The following ERICH1 variants were observed in gnomAD, a reference collection of about 807,000 sequenced individuals.
The protein encoded by ERICH1 is glutamate-rich protein 1.
Under a neutral mutation model 39.6 loss-of-function variants are expected in ERICH1, and 56 were observed. That is an observed-to-expected ratio of 1.41 (90% confidence interval 1.14 to 1.77). The LOEUF is 1.77. Among genes scored for constraint, ERICH1 ranks in the 40% most tolerant of loss-of-function variants. ERICH1 has a pLI of 0.00. For synonymous variants in ERICH1, 313 were observed against 223.6 expected, an observed-to-expected ratio of 1.40 and a Z score of -3.57; for missense variants, 826 against 575.4, an observed-to-expected ratio of 1.44 and a Z score of -4.45.
intron 3 of ERICH1, among the ~76,000 whole-genome samples, chr8:631,122 A>G (rs1450737466): frequency 6.6e-6 from 1 of 152,222 alleles, no homozygotes; most frequent in African/African-American, 2.4e-5. Context: ...CCCTCCTATG[A>G]TCACCCACAT....
Position 627,379 on chromosome 8 carries a change from G to A in ERICH1, c.977-12095C>T, listed in dbSNP as rs147485624. ...GGACAGGAAAAGTCTGCACCTCACT[G>A]AGAGCCTCGACTTCACATGCCAACT... On this transcript the variant is annotated intron_variant, in intron 3 of 3. Transcript: ENST00000522706. 5 of 363,942 alleles carry A rather than the reference G, an allele frequency of 1.4e-5. No homozygotes were observed. In the East Asian group the frequency reaches 3.0e-4, roughly 22 times the overall value. 22.5% of individuals were successfully genotyped at this position (363,942 alleles called of 1,614,324 possible).
intron 3 of ERICH1, chr8:626,596 C>A (rs753384345): frequency 6.4e-6 from 1 of 156,884 alleles, no homozygotes; most frequent in Non-Finnish European, 1.4e-5. Flanking sequence ...AGAAGTGATG[C>A]TCTGCCGGGG....
intron 3 of ERICH1, among the ~76,000 whole-genome samples, chr8:684,765 A>T (rs923188683): frequency 6.6e-6 from 1 of 152,226 alleles, no homozygotes; most frequent in Non-Finnish European, 1.5e-5. Context: ...CGGGGGAGAC[A>T]TCACATGTCA....
At chr8:687,478 G>C (rs182794230) in intron 3 of ERICH1, among the ~76,000 whole-genome samples, 130 of 152,376 alleles carry the variant, frequency 8.5e-4, no homozygotes, top group Non-Finnish European at 1.6e-3. Context: ...CGCTAAGCGT[G>C]TGGGTCCAGA....
At chr8:713,745 C>A (rs192824401) in intron 2 of ERICH1, among the ~76,000 whole-genome samples, 1 of 152,104 alleles carries the variant, frequency 6.6e-6, no homozygotes, top group Non-Finnish European at 1.5e-5. Context: ...GATCCTGGTG[C>A]GCAGCTCCAT....
intron 3 of ERICH1, among the ~76,000 whole-genome samples, chr8:655,420 G>C (rs1479604005): frequency 6.6e-6 from 1 of 152,178 alleles, no homozygotes; most frequent in Non-Finnish European, 1.5e-5. Flanking sequence ...GTTTTTGTTT[G>C]CCCGTCTCTC....
intron 3 of ERICH1, among the ~76,000 whole-genome samples, chr8:634,849 G>C (rs748031332): frequency 9.9e-5 from 15 of 152,238 alleles, no homozygotes; most frequent in Non-Finnish European, 2.2e-4. Context: ...TCTCTTAAGA[G>C]TTTTGCAGCT....
intron 3 of ERICH1, among the ~76,000 whole-genome samples, chr8:636,910 C>T (rs1413259868): frequency 2.0e-5 from 3 of 152,188 alleles, no homozygotes; most frequent in Admixed American, 6.5e-5. Context: ...TCTGCAGGGT[C>T]GGAGGGTTGG....
chr8:690,105 G>A (rs1025340207), intron 3 of ERICH1, among the ~76,000 whole-genome samples: 4 of 152,162 alleles, frequency 2.6e-5, no homozygotes, highest in East Asian at 1.9e-4. Flanking sequence ...GGAGGAGTAC[G>A]TGCATGTTTC....
intron 3 of ERICH1, among the ~76,000 whole-genome samples, chr8:647,574 G>C (rs1248419070): frequency 1.5e-5 from 1 of 67,786 alleles, no homozygotes; most frequent in Admixed American, 1.2e-4. Flanking sequence ...GAGTAACACT[G>C]GAGAGGCAGA....
chr8:684,272 T>A lies in ERICH1; in HGVS notation c.304+8206A>T, dbSNP rs555900013. Among the ~76,000 whole-genome samples, 65 of 152,322 alleles carry A rather than the reference T, an allele frequency of 4.3e-4. 2 individuals are homozygous for A. In the South Asian group the frequency reaches 0.012, roughly 28 times the overall value. On this transcript the variant is annotated intron_variant, in intron 3 of 5. Coordinates refer to ENST00000262109, the MANE Select transcript of ERICH1 (RefSeq NM_207332.3). The stretch of plus-strand genomic sequence containing the variant: ...AAAATTAGATGCAGGACAATTTTTT[T>A]AATTTAAAGAATAGGAAAGTTAAGA...
At position 654,418 on chromosome 8, in the gene ERICH1, C is replaced by G. The variant is rs573882098; in HGVS notation, c.976+14180G>C. On this transcript the variant is annotated intron_variant, in intron 3 of 3. Coordinates refer to the ERICH1 transcript ENST00000522706. ...GGGCAGAGCTGGGACGGGGCCTCCT[C>G]GAGGGGCTACGGTGCTGGGGAGGGC... Among the ~76,000 whole-genome samples the G allele has an allele frequency of 2.1e-4, 32 of 152,068 alleles. 1 individual carries two copies. The highest frequency in any genetic ancestry group is 1.8e-3 in the Admixed American group (27 of 15,272).
In ERICH1 at chr8:731,218, G is replaced by A; in HGVS notation, c.-57C>T. On this transcript the variant is annotated 5_prime_UTR_variant, in exon 1 of 6. Transcript: ENST00000262109. ...CGCGCGGTCCTGAGCTGAGCGCCGT[G>A]CCTTCCGGGTTCCGCCCTCCTGGGT... The A allele has an allele frequency of 7.1e-7, 1 of 1,415,718 alleles. No individual in the cohort carries two copies. The allele number at this position is 1,415,718 out of a possible 1,614,324, so 87.7% of individuals were successfully genotyped here.
At chr8:615,316 G>A (rs980000599) in intron 3 of ERICH1, 9 of 651,126 alleles carry the variant, frequency 1.4e-5, no homozygotes, top group Admixed American at 1.4e-4. Flanking sequence ...GATCAGTTGT[G>A]TTCATCATTT....
At chr8:625,188 T>C (rs558792181) in intron 3 of ERICH1, among the ~76,000 whole-genome samples, 1 of 152,200 alleles carries the variant, frequency 6.6e-6, no homozygotes, top group South Asian at 2.1e-4. Flanking sequence ...CCGAACCATA[T>C]CAGAGTCATT....
rs150140279 is a variant in ERICH1 at position 652,853 on chromosome 8, C to T, written c.976+15745G>A. Among the ~76,000 whole-genome samples the T allele has an allele frequency of 4.2e-3, 636 of 152,280 alleles. 8 individuals are homozygous for T. Among genetic ancestry groups the T allele is most frequent in the African/African-American group, 0.014 (590 of 41,544 alleles). ...GTCAACACGCACGCAAAAAGATGTC[C>T]GGCACCACTAATCAGCAAGGAAATG... On this transcript the variant is annotated intron_variant, in intron 3 of 3. Coordinates refer to the ERICH1 transcript ENST00000522706.
At chr8:692,046 C>G (rs62484176) in intron 3 of ERICH1, among the ~76,000 whole-genome samples, 34,168 of 152,130 alleles carry the variant, frequency 0.22, 4,007 homozygotes, top group East Asian at 0.43. Flanking sequence ...TTCCAAAAGA[C>G]ATTCGAAATA....
chr8:676,431 A>C (rs865961051), intron 3 of ERICH1, among the ~76,000 whole-genome samples: 1 of 21,588 alleles, frequency 4.6e-5, no homozygotes. Flanking sequence ...GAGGACAGAG[A>C]CGCGGCGGCC....
intron 3 of ERICH1, among the ~76,000 whole-genome samples, chr8:652,545 T>G (rs751064940): frequency 3.9e-5 from 6 of 152,220 alleles, no homozygotes; most frequent in Non-Finnish European, 7.3e-5. Flanking sequence ...TAATCCCACC[T>G]CATTCACTTT....
Sources: gnomAD v4.1 joint callset for allele counts (sites outside exome capture counted in the v4.1 genomes callset) on GRCh38, gnomAD v4.1.1 for gene constraint, MANE v1.5 for transcripts, NCBI Gene and HGNC (gene_info 2026-07-23, HGNC 2026-07-21) for gene names.